The following FLVCR2 variants were observed in gnomAD, a reference collection of about 807,000 sequenced individuals.
FLVCR2 encodes the protein FLVCR choline and putative heme transporter 2, also known as choline/ethanolamine transporter FLVCR2.
A neutral mutation model predicts 48.9 loss-of-function variants in FLVCR2; 38 were observed. The ratio of observed to expected loss-of-function variants is 0.78; its 90% CI spans 0.60 to 1.02. FLVCR2 has a LOEUF of 1.02. Among genes scored for constraint, FLVCR2 ranks in the 50% least tolerant of loss-of-function variants. The pLI is 0.00. For synonymous variants in FLVCR2, 255 were observed against 257.0 expected (o/e 0.99, Z 0.07); for missense variants, 664 against 663.3 (o/e 1.00, Z -0.01).
chr14:75,642,448 A>C (rs1240767560), intron 9 of FLVCR2, among the ~76,000 whole-genome samples: 1 of 152,274 alleles, frequency 6.6e-6, no homozygotes. Flanking sequence ...GGAGAGGACC[A>C]GGAGTATGAC....
At chr14:75,580,494 A>C (rs1157667177) in intron 1 of FLVCR2, among the ~76,000 whole-genome samples, 1 of 152,236 alleles carries the variant, frequency 6.6e-6, no homozygotes, top group Non-Finnish European at 1.5e-5. Context: ...AGGATTGGTA[A>C]TCCTGTCTCA....
intron 5 of FLVCR2, among the ~76,000 whole-genome samples, chr14:75,637,249 G>A (rs1254436328): frequency 6.6e-6 from 1 of 152,218 alleles, no homozygotes; most frequent in Non-Finnish European, 1.5e-5. Context: ...TTGGTAAAAT[G>A]AGAAATCATC....
At chr14:75,638,588 C>G (rs992275555) in intron 5 of FLVCR2, among the ~76,000 whole-genome samples, 10 of 152,140 alleles carry the variant, frequency 6.6e-5, no homozygotes, top group African/African-American at 2.4e-4. Context: ...CAGAATTGGA[C>G]AGCTTCTGGG....
At chr14:75,641,941 G>A in intron 9 of FLVCR2, 43 bp downstream of exon 9, 16 of 1,563,464 alleles carry the variant, frequency 1.0e-5, no homozygotes, top group Non-Finnish European at 1.4e-5. Context: ...CGGGGTCCAA[G>A]GCTTTTGATG....
rs1468587452 is a variant in FLVCR2, at chr14:75,579,098, C to T, written c.126C>T (p.Asn42=). ...CGGTCCATCCCAGCGTCTCCATCAA[C>T]CCCAGCGTCTCTGTCCACCCCAGCA... ...SVSVHPSVSI[N]PSVSVHPSSS... The change falls in exon 1 of 10, where the codon AAC becomes AAT. Residue 42 remains asparagine (N), a synonymous_variant. Coordinates refer to ENST00000238667, the MANE Select transcript of FLVCR2 (RefSeq NM_017791.3). The T allele has an allele frequency of 1.2e-6, 2 of 1,613,870 alleles. No individual in the cohort carries two copies. Among genetic ancestry groups the T allele is most frequent in the African/African-American group, 2.7e-5 (2 of 74,906 alleles).
chr14:75,625,295 T>G (rs556603843), intron 3 of FLVCR2, among the ~76,000 whole-genome samples: 13 of 150,912 alleles, frequency 8.6e-5, no homozygotes, highest in Non-Finnish European at 1.9e-4. Context: ...TGTAATTGAC[T>G]TCTATTTTAT....
chr14:75,626,154 G>T (rs541584011), intron 3 of FLVCR2, among the ~76,000 whole-genome samples: 1 of 152,236 alleles, frequency 6.6e-6, no homozygotes, highest in South Asian at 2.1e-4. Context: ...ACCATGCCCG[G>T]CTAATTTTTG....
intron 1 of FLVCR2, among the ~76,000 whole-genome samples, chr14:75,580,654 G>A (rs930342898): frequency 6.6e-6 from 1 of 150,846 alleles, no homozygotes; most frequent in Non-Finnish European, 1.5e-5. Flanking sequence ...GATAGGTGGT[G>A]GAGTTAGGAG....
chr14:75,638,717 A>G (rs1890228694), intron 5 of FLVCR2, among the ~76,000 whole-genome samples: 1 of 152,202 alleles, frequency 6.6e-6, no homozygotes, highest in Non-Finnish European at 1.5e-5. Flanking sequence ...TGGCTAGGAC[A>G]TGACAAGTCA....
At chr14:75,589,755 G>C (rs1035928025) in intron 1 of FLVCR2, among the ~76,000 whole-genome samples, 1 of 152,174 alleles carries the variant, frequency 6.6e-6, no homozygotes, top group African/African-American at 2.4e-5. Context: ...CATTATATGC[G>C]CCTGCAGATT....
intron 1 of FLVCR2, 142 bp from the exon 2 acceptor site, chr14:75,621,937 T>A: frequency 1.1e-6 from 1 of 906,202 alleles, no homozygotes; most frequent in East Asian, 2.4e-5. Context: ...TCTGGTGTTT[T>A]GAGGTGAGAA....
At chr14:75,644,591 A>C (rs1489956004) in intron 9 of FLVCR2, among the ~76,000 whole-genome samples, 2 of 152,120 alleles carry the variant, frequency 1.3e-5, no homozygotes, top group Non-Finnish European at 2.9e-5. Context: ...TGGATAATTC[A>C]CTATGTGTCT....
At chr14:75,596,038 C>T (rs946507081) in intron 1 of FLVCR2, 72 of 1,320,140 alleles carry the variant, frequency 5.5e-5, no homozygotes, top group Non-Finnish European at 7.4e-5. Flanking sequence ...AATGCAAATA[C>T]AAAGATGACA....
At chr14:75,632,685 A>G in intron 3 of FLVCR2, 1 of 702,326 alleles carries the variant, frequency 1.4e-6, no homozygotes, top group South Asian at 1.5e-5. Context: ...ACACCCTTCC[A>G]AGTAAATCTA....
At chr14:75,616,597 C>T (rs984613853) in intron 1 of FLVCR2, among the ~76,000 whole-genome samples, 61 of 152,170 alleles carry the variant, frequency 4.0e-4, no homozygotes, top group African/African-American at 1.5e-3. Flanking sequence ...TCTAAGGGAA[C>T]ATGTCCAGCC....
intron 1 of FLVCR2, among the ~76,000 whole-genome samples, chr14:75,610,794 C>A (rs1426825001): frequency 1.3e-5 from 2 of 152,172 alleles, no homozygotes; most frequent in East Asian, 3.9e-4. Flanking sequence ...TCTTGGGGCA[C>A]CCCAAATGAG....
At position 75,578,733 on chromosome 14, in the gene FLVCR2, G is replaced by A. The variant is rs546416868; in HGVS notation, c.-240G>A. 207 of 587,548 alleles carry A rather than the reference G, an allele frequency of 3.5e-4. 1 individual carries two copies. Among genetic ancestry groups the A allele is most frequent in the Admixed American group, 1.6e-3 (54 of 33,634 alleles). 36.4% of individuals were successfully genotyped at this position (587,548 alleles called of 1,614,324 possible). A position where few individuals can be genotyped will look rare whatever the true frequency, so the allele number is the denominator to read the frequency against. ...TCCGGAGCCGGCTGCGGCGTGTGCG[G>A]CCGGCCTTGGGACAGCGATCGCCGC... On this transcript the variant is annotated 5_prime_UTR_variant, in exon 1 of 10. Coordinates refer to ENST00000238667, the MANE Select transcript of FLVCR2 (RefSeq NM_017791.3).
intron 1 of FLVCR2, among the ~76,000 whole-genome samples, chr14:75,589,993 G>A (rs995553414): frequency 2.0e-5 from 3 of 152,282 alleles, no homozygotes; most frequent in South Asian, 4.2e-4. Context: ...AATAATGCCC[G>A]AGACTGAGTA....
intron 1 of FLVCR2, among the ~76,000 whole-genome samples, chr14:75,614,674 G>A (rs1260268554): frequency 6.6e-6 from 1 of 152,208 alleles, no homozygotes; most frequent in Admixed American, 6.5e-5. Flanking sequence ...AGCTGTATTA[G>A]TCTGTTTTCA....
Sources: allele counts gnomAD v4.1 joint callset (sites outside exome capture counted in the v4.1 genomes callset), GRCh38; gene constraint gnomAD v4.1.1; transcripts MANE v1.5; gene names NCBI Gene and HGNC (gene_info 2026-07-23, HGNC 2026-07-21).